The following MIPEP variants were observed in gnomAD, a reference collection of about 807,000 sequenced individuals.
MIPEP encodes mitochondrial intermediate peptidase.
MIPEP carries 79 observed loss-of-function variants against 90.3 expected under a neutral mutation model. The observed-to-expected ratio is 0.87, with a 90% CI of 0.73 to 1.05. The LOEUF (loss-of-function observed/expected upper bound fraction) is 1.05. Among genes scored for constraint, MIPEP ranks in the 50% least tolerant of loss-of-function variants. MIPEP has a pLI of 0.00. For missense variants in MIPEP, 940 were observed against 905.6 expected, an observed-to-expected ratio of 1.04 and a Z score of -0.49; for synonymous variants, 334 against 315.8, an observed-to-expected ratio of 1.06 and a Z score of -0.61.
chr13:23,885,343 A>G (rs758716383), intron 2 of MIPEP, among the ~76,000 whole-genome samples: 2 of 152,136 alleles, frequency 1.3e-5, no homozygotes, highest in African/African-American at 4.8e-5. Context: ...TAATGGCTAC[A>G]AAAAAACAGG....
chr13:23,739,421 T>C (rs554734137), intron 18 of MIPEP, among the ~76,000 whole-genome samples: 1 of 152,340 alleles, frequency 6.6e-6, no homozygotes, highest in East Asian at 1.9e-4. Context: ...ATAATTTGTG[T>C]TGATCAATTA....
chr13:23,825,162 T>C (rs1156521292), intron 14 of MIPEP, among the ~76,000 whole-genome samples: 7 of 152,312 alleles, frequency 4.6e-5, no homozygotes, highest in Non-Finnish European at 8.8e-5. Flanking sequence ...CAGCTGTGTA[T>C]GGTGGTGGGG....
chr13:23,852,580 G>C (rs187504158), intron 10 of MIPEP, among the ~76,000 whole-genome samples: 1 of 152,220 alleles, frequency 6.6e-6, no homozygotes, highest in African/African-American at 2.4e-5. Context: ...TGGTGATGCT[G>C]GTGTAAACAA....
chr13:23,800,824 T>C (rs942913450), intron 16 of MIPEP, among the ~76,000 whole-genome samples: 3 of 152,190 alleles, frequency 2.0e-5, no homozygotes, highest in South Asian at 4.1e-4. Flanking sequence ...CATTTGAGGA[T>C]AGAGACTCAT....
At chr13:23,882,071 C>CTTT (rs553989994) in intron 2 of MIPEP, among the ~76,000 whole-genome samples, 3 of 98,502 alleles carry the variant, frequency 3.0e-5, no homozygotes, top group African/African-American at 7.7e-5. Flanking sequence ...TTCTTTCTTT[C>CTTT]TTTTTTTTTT....
chr13:23,783,923 T>G (rs1302253427), intron 16 of MIPEP, among the ~76,000 whole-genome samples: 2 of 152,130 alleles, frequency 1.3e-5, no homozygotes, highest in Non-Finnish European at 2.9e-5. Context: ...CAAGGAGAAC[T>G]ACAAACCACT....
At chr13:23,818,476 G>T (rs949434605) in intron 14 of MIPEP, among the ~76,000 whole-genome samples, 5 of 150,254 alleles carry the variant, frequency 3.3e-5, no homozygotes, top group African/African-American at 2.5e-5. Flanking sequence ...AAACTTAACA[G>T]AGTTAAACAG....
chr13:23,796,805 A>C (rs146025990), intron 16 of MIPEP, among the ~76,000 whole-genome samples: 1 of 152,326 alleles, frequency 6.6e-6, no homozygotes, highest in East Asian at 1.9e-4. Flanking sequence ...TTTCCTTTGC[A>C]TACATAATCA....
chr13:23,836,926 C>A (rs1869079999), intron 13 of MIPEP, among the ~76,000 whole-genome samples: 1 of 152,226 alleles, frequency 6.6e-6, no homozygotes, highest in African/African-American at 2.4e-5. Flanking sequence ...GTCCAAAATA[C>A]TGTGTGTAAA....
At chr13:23,833,983 C>A (rs1343091434) in intron 14 of MIPEP, among the ~76,000 whole-genome samples, 3 of 152,112 alleles carry the variant, frequency 2.0e-5, no homozygotes, top group Non-Finnish European at 4.4e-5. Context: ...CCTGACCCTG[C>A]GGAACCCTCG....
intron 10 of MIPEP, among the ~76,000 whole-genome samples, chr13:23,846,703 T>G (rs1869556940): frequency 2.0e-5 from 3 of 152,226 alleles, no homozygotes; most frequent in Admixed American, 6.5e-5. Context: ...TGTGGTGTCA[T>G]GTTGGCACTC....
intron 14 of MIPEP, among the ~76,000 whole-genome samples, chr13:23,819,775 A>G (rs1216744857): frequency 6.6e-6 from 1 of 152,118 alleles, no homozygotes; most frequent in Admixed American, 6.5e-5. Flanking sequence ...TTGGGAGGCC[A>G]AGGCCAGTGG....
rs751489252 is a variant in MIPEP at position 23,806,034 on chromosome 13, C to T, written c.1764G>A (p.Gly588=). The change falls in exon 16 of 19, where the codon GGG becomes GGA. Residue 588 remains glycine, a synonymous_variant. Coordinates refer to ENST00000382172, the MANE Select transcript of MIPEP (RefSeq NM_005932.4). ...FYATLDQIYH[G]KHPLRNSTTD... ...TGGTTGAATTCCTCAGGGGATGCTTCCCATGGTAGATTTGATCCAGAGTGG... is the reference window on the plus strand; with the variant it reads ...TGGTTGAATTCCTCAGGGGATGCTTTCCATGGTAGATTTGATCCAGAGTGG... 1 of 1,613,430 alleles carries T rather than the reference C, an allele frequency of 6.2e-7. No individual in the cohort carries two copies. Among genetic ancestry groups the T allele is most frequent in the South Asian group, 1.1e-5 (1 of 91,062 alleles).
intron 1 of MIPEP, 127 bp downstream of exon 1, chr13:23,889,005 G>A: frequency 2.2e-6 from 2 of 916,610 alleles, no homozygotes; most frequent in Non-Finnish European, 1.5e-6. Flanking sequence ...AGACGCCACT[G>A]TAAAAGGTGG....
intron 5 of MIPEP, 54 bp from the exon 6 acceptor site, chr13:23,870,249 C>T (rs1445043086): frequency 9.2e-6 from 11 of 1,199,106 alleles, no homozygotes; most frequent in Non-Finnish European, 1.2e-5. Context: ...TAATATTTCA[C>T]AATTTAATAA....
At chr13:23,754,670 T>A (rs944844465) in intron 18 of MIPEP, among the ~76,000 whole-genome samples, 1 of 152,136 alleles carries the variant, frequency 6.6e-6, no homozygotes, top group African/African-American at 2.4e-5. Flanking sequence ...TTTGATGGTA[T>A]CTCCTATCAG....
intron 16 of MIPEP, among the ~76,000 whole-genome samples, chr13:23,803,727 G>A (rs1353480475): frequency 6.6e-6 from 1 of 152,140 alleles, no homozygotes; most frequent in East Asian, 1.9e-4. Context: ...CAAGTTGGTG[G>A]TCAAGTCCAC....
intron 7 of MIPEP, among the ~76,000 whole-genome samples, chr13:23,866,845 AAACTT>A (rs1185561073): frequency 6.6e-6 from 1 of 152,122 alleles, no homozygotes; most frequent in Non-Finnish European, 1.5e-5. Flanking sequence ...TTGGTATCTC[AAACTT>A]AACTTGAAAC....
intron 18 of MIPEP, among the ~76,000 whole-genome samples, chr13:23,744,477 G>A (rs1952364421): frequency 6.6e-6 from 1 of 152,226 alleles, no homozygotes. Context: ...ACACAGGTGA[G>A]TCAGAGTACC....
Sources: allele counts gnomAD v4.1 joint callset (sites outside exome capture counted in the v4.1 genomes callset), GRCh38; gene constraint gnomAD v4.1.1; transcripts MANE v1.5; gene names NCBI Gene and HGNC (gene_info 2026-07-23, HGNC 2026-07-21).